The following FGF13 variants were observed in gnomAD, a reference collection of about 807,000 sequenced individuals.
The protein encoded by FGF13 is fibroblast growth factor homologous factor 2.
A neutral mutation model predicts 19.5 loss-of-function variants in FGF13; 2 were observed. The observed-to-expected ratio is 0.10, with a 90% CI of 0.04 to 0.32. FGF13 has a LOEUF of 0.32. FGF13 is among the 10% of genes least tolerant of loss of function. The pLI is 1.00. For missense variants in FGF13, 113 were observed against 192.7 expected, an observed-to-expected ratio of 0.59 and a Z score of 2.45; for synonymous variants, 72 against 76.9, an observed-to-expected ratio of 0.94 and a Z score of 0.33.
intron 1 of FGF13, among the ~76,000 whole-genome samples, chrX:139,037,188 CATTTGGAGTCA>C (rs778561008): frequency 3.0e-4 from 33 of 111,257 alleles, no homozygotes; most frequent in Non-Finnish European, 5.5e-4. Context: ...AAGGACACTG[CATTTGGAGTCA>C]AAAAAGCTGA....
intron 1 of FGF13, among the ~76,000 whole-genome samples, chrX:139,109,407 A>G (rs1160613605): frequency 8.9e-6 from 1 of 112,098 alleles, no homozygotes; most frequent in African/African-American, 3.2e-5. Flanking sequence ...ATGCCAAAGT[A>G]TCTGCAGTAT....
chrX:139,181,710 C>T (rs1361059601), intron 1 of FGF13, among the ~76,000 whole-genome samples: 2 of 112,325 alleles, frequency 1.8e-5, no homozygotes, highest in African/African-American at 6.5e-5. Flanking sequence ...GGGAGAGACC[C>T]ATAAACAGAT....
intron 1 of FGF13, among the ~76,000 whole-genome samples, chrX:138,718,668 T>C (rs2090126881): frequency 8.9e-6 from 1 of 111,872 alleles, no homozygotes; most frequent in Admixed American, 9.5e-5. Context: ...AACACATCTC[T>C]TTTCAGACAC....
intron 1 of FGF13, among the ~76,000 whole-genome samples, chrX:138,885,164 G>A (rs976241122): frequency 1.8e-5 from 2 of 111,407 alleles, no homozygotes; most frequent in Non-Finnish European, 3.8e-5. Context: ...GGATTATTTG[G>A]GGTAGAATGG....
At chrX:138,758,345 T>A (rs922353190) in intron 3 of FGF13, among the ~76,000 whole-genome samples, 1 of 111,854 alleles carries the variant, frequency 8.9e-6, no homozygotes, top group Non-Finnish European at 1.9e-5. Flanking sequence ...GAATGTTACC[T>A]TCTCAAAGCA....
chrX:138,984,587 GA>G (rs1404107461), intron 1 of FGF13, among the ~76,000 whole-genome samples: 17 of 48,004 alleles, frequency 3.5e-4, no homozygotes, highest in African/African-American at 9.1e-4. Context: ...AGAAGAAGAA[GA>G]AGGAGGAGGA....
chrX:139,194,834 A>C (rs2084359356), intron 1 of FGF13, among the ~76,000 whole-genome samples: 1 of 111,197 alleles, frequency 9.0e-6, no homozygotes, highest in Admixed American at 9.4e-5. Context: ...CCGGACTGCG[A>C]CCACCCGCAC....
intron 1 of FGF13, among the ~76,000 whole-genome samples, chrX:138,891,201 C>G (rs112178519): frequency 9.0e-6 from 1 of 111,209 alleles, no homozygotes; most frequent in African/African-American, 3.3e-5. Flanking sequence ...AGGAGAATGC[C>G]GTGAACTCGG....
At chrX:139,061,335 G>T (rs1046391235) in intron 1 of FGF13, among the ~76,000 whole-genome samples, 2 of 111,857 alleles carry the variant, frequency 1.8e-5, no homozygotes, top group African/African-American at 6.5e-5. Flanking sequence ...AGGCATTTGG[G>T]TTATGAGGGA....
upstream of FGF13, among the ~76,000 whole-genome samples, chrX:138,743,015 G>A (rs533688145): frequency 9.0e-6 from 1 of 111,377 alleles, no homozygotes; most frequent in South Asian, 3.8e-4. Flanking sequence ...TGGGAGTAAG[G>A]ACAGATATAT....
intron 1 of FGF13, among the ~76,000 whole-genome samples, chrX:139,069,760 A>G (rs1455493204): frequency 8.9e-6 from 1 of 112,306 alleles, no homozygotes; most frequent in Non-Finnish European, 1.9e-5. Context: ...CCAAAACAGC[A>G]TGGTACTGGC....
At chrX:138,829,579 A>T (rs139183799) in intron 3 of FGF13, among the ~76,000 whole-genome samples, 2,363 of 111,792 alleles carry the variant, frequency 0.021, 70 homozygotes, top group African/African-American at 0.072. Context: ...AACCAGCCTC[A>T]GGTATTCCAT....
At chrX:138,976,209 C>T (rs953491800) in intron 1 of FGF13, among the ~76,000 whole-genome samples, 43 of 111,246 alleles carry the variant, frequency 3.9e-4, no homozygotes, top group African/African-American at 1.2e-3. Context: ...AATACGTTTA[C>T]GCTGGAAACA....
chrX:138,649,208 T>C (rs771134162), intron 3 of FGF13, among the ~76,000 whole-genome samples: 2 of 111,785 alleles, frequency 1.8e-5, no homozygotes, highest in Admixed American at 9.5e-5. Context: ...ACATCAGCAA[T>C]TGGATTGCTT....
At chrX:138,934,971 A>AT (rs984630101) in intron 1 of FGF13, among the ~76,000 whole-genome samples, 1 of 111,326 alleles carries the variant, frequency 9.0e-6, no homozygotes, top group African/African-American at 3.3e-5. Context: ...AGAATTTGTG[A>AT]TAAAATTTTC....
chrX:139,054,932 G>GTATTGTATTGTATTGTATTGTAT (rs199715922), intron 1 of FGF13, among the ~76,000 whole-genome samples: 1 of 107,257 alleles, frequency 9.3e-6, no homozygotes, highest in Admixed American at 9.9e-5. Flanking sequence ...GTATTGTATT[G>GTATTGTATTGTATTGTATTGTAT]TATTTTGCAG....
chrX:138,786,480 T>C (rs957332414), intron 3 of FGF13, among the ~76,000 whole-genome samples: 2 of 112,069 alleles, frequency 1.8e-5, no homozygotes, highest in African/African-American at 6.5e-5. Flanking sequence ...AGAGCCTTCC[T>C]TGGGGGACTA....
Position 138,615,567 on chromosome X carries a change from G to A in FGF13, c.*17283C>T, listed in dbSNP as rs1270254585. Reference sequence around the variant, plus strand: ...TGGACCCACTTGAGTGTACATCATGGCAGGAAAAAAAAATTGTTTCAGATG... The same window carrying A: ...TGGACCCACTTGAGTGTACATCATGACAGGAAAAAAAAATTGTTTCAGATG... On this transcript the variant is annotated 3_prime_UTR_variant, in exon 5 of 5. Transcript: ENST00000315930. 9.1e-6 allele frequency: 1 copy of A among 110,271 alleles called. No individual in the cohort carries two copies. Among genetic ancestry groups the A allele is most frequent in the Non-Finnish European group, 1.9e-5 (1 of 52,807 alleles). The allele number at this position is 110,271 out of a possible 1,213,427, so 9.1% of individuals were successfully genotyped here. A position where few individuals can be genotyped will look rare whatever the true frequency, so the allele number is the denominator to read the frequency against.
chrX:139,023,282 T>C (rs1245041284), intron 1 of FGF13, among the ~76,000 whole-genome samples: 2 of 111,462 alleles, frequency 1.8e-5, no homozygotes, highest in African/African-American at 6.5e-5. Context: ...ACTGTATTAA[T>C]GGATCCTGAA....
Sources: gnomAD v4.1 joint callset for allele counts (sites outside exome capture counted in the v4.1 genomes callset) on GRCh38, gnomAD v4.1.1 for gene constraint, MANE v1.5 for transcripts, NCBI Gene and HGNC (gene_info 2026-07-23, HGNC 2026-07-21) for gene names.